RIPOR3: variants seen among roughly 807,000 people sequenced by gnomAD.
RIPOR3 encodes RIPOR family member 3.
Under a neutral mutation model 114.3 loss-of-function variants are expected in RIPOR3, and 95 were observed. The observed-to-expected ratio is 0.83, with a 90% CI of 0.70 to 0.99. The LOEUF (loss-of-function observed/expected upper bound fraction) is 0.99, where lower values mean the gene tolerates loss of function less well. Ranked by LOEUF, RIPOR3 falls within the 50% of genes least tolerant of loss-of-function variation. RIPOR3 has a pLI of 0.00. For missense variants in RIPOR3, 1,252 were observed against 1,266.9 expected (o/e 0.99, Z 0.18); for synonymous variants, 575 against 543.8 (o/e 1.06, Z -0.80).
intron 3 of RIPOR3, among the ~76,000 whole-genome samples, chr20:50,617,824 A>G (rs1369708742): frequency 1.3e-5 from 2 of 150,326 alleles, no homozygotes; most frequent in East Asian, 4.1e-4. Flanking sequence ...GGGTTTCACC[A>G]TGTTGGCCAC....
At chr20:50,599,931 C>T (rs1290767126) in intron 13 of RIPOR3, among the ~76,000 whole-genome samples, 3 of 151,778 alleles carry the variant, frequency 2.0e-5, no homozygotes, top group Non-Finnish European at 2.9e-5. Context: ...GAGAGAGTCT[C>T]GCTCTGTTGC....
chr20:50,636,394 C>T (rs2084987480), intron 1 of RIPOR3, among the ~76,000 whole-genome samples: 1 of 152,182 alleles, frequency 6.6e-6, no homozygotes, highest in Admixed American at 6.5e-5. Flanking sequence ...GGCATTAACC[C>T]TTTAGCTACT....
At chr20:50,601,424 G>C (rs1211219640) in intron 13 of RIPOR3, among the ~76,000 whole-genome samples, 3 of 152,220 alleles carry the variant, frequency 2.0e-5, no homozygotes, top group African/African-American at 7.2e-5. Context: ...CTGGGCAACA[G>C]AGCGAGACTT....
chr20:50,645,781 A>G (rs138187153), intron 1 of RIPOR3: 53 of 152,306 alleles, frequency 3.5e-4, no homozygotes, highest in Middle Eastern at 3.4e-3. Context: ...ACTCCCGCAC[A>G]GCCACGTGAG....
intron 2 of RIPOR3, among the ~76,000 whole-genome samples, chr20:50,627,017 G>GGA (rs1555853562): frequency 5.6e-4 from 69 of 123,060 alleles, no homozygotes; most frequent in Non-Finnish European, 8.6e-4. Flanking sequence ...TCCGTCTCAA[G>GGA]AAAAAAAAAA....
chr20:50,601,162 A>G (rs1233236642), intron 13 of RIPOR3, among the ~76,000 whole-genome samples: 1 of 151,902 alleles, frequency 6.6e-6, no homozygotes, highest in Non-Finnish European at 1.5e-5. Flanking sequence ...GGCCAGGTGC[A>G]GTGGCTCACG....
intron 13 of RIPOR3, among the ~76,000 whole-genome samples, chr20:50,600,671 G>A (rs1443976441): frequency 6.6e-6 from 1 of 152,050 alleles, no homozygotes; most frequent in African/African-American, 2.4e-5. Context: ...GAGGGGGGAG[G>A]ATCGTGTGAT....
chr20:50,597,376 C>T, intron 14 of RIPOR3: 1 of 678,002 alleles, frequency 1.5e-6, no homozygotes, highest in African/African-American at 1.8e-5. Context: ...GTGATCTCAC[C>T]CACTTCGTGG....
At chr20:50,688,532 C>T (rs2087102942) in intron 1 of RIPOR3, among the ~76,000 whole-genome samples, 1 of 152,176 alleles carries the variant, frequency 6.6e-6, no homozygotes, top group African/African-American at 2.4e-5. Flanking sequence ...GTGTGTTTAG[C>T]AACCCGTTCA....
intron 3 of RIPOR3, 48 bp downstream of exon 3, chr20:50,619,938 G>C (rs117180526): frequency 4.8e-5 from 75 of 1,577,832 alleles, no homozygotes; most frequent in Non-Finnish European, 6.2e-5. Context: ...GAGAGGAGGC[G>C]AGGTAGAGGA....
intron 13 of RIPOR3, among the ~76,000 whole-genome samples, chr20:50,599,661 G>C (rs1398804021): frequency 6.6e-6 from 1 of 152,118 alleles, no homozygotes; most frequent in African/African-American, 2.4e-5. Flanking sequence ...TACCATTTGG[G>C]CATTGAAACA....
intron 1 of RIPOR3, among the ~76,000 whole-genome samples, chr20:50,652,590 C>CAAAAAAAAAA (rs11470456): frequency 6.5e-4 from 57 of 87,272 alleles, no homozygotes; most frequent in Non-Finnish European, 7.4e-4. Flanking sequence ...GATTCTGTCT[C>CAAAAAAAAAA]AAAAAAAAAA....
intron 1 of RIPOR3, among the ~76,000 whole-genome samples, chr20:50,665,473 G>A (rs185485808): frequency 7.0e-6 from 1 of 141,914 alleles, no homozygotes; most frequent in East Asian, 2.2e-4. Context: ...CAGGCTGGAG[G>A]GCAGTGGTGT....
At position 50,620,068 on chromosome 20, in the gene RIPOR3, T is replaced by C; in HGVS notation, c.187A>G (p.Thr63Ala). The C allele has an allele frequency of 1.2e-6, 2 of 1,614,216 alleles. No homozygotes were observed. Among genetic ancestry groups the C allele is most frequent in the South Asian group, 2.2e-5 (2 of 91,086 alleles). ...MPAKSSKMYG[T>A]LRKGSVCADP... The stretch of plus-strand genomic sequence containing the variant: ...GCACAGACCGACCCCTTCCGCAGCG[T>C]GCCGTACATCTTGGAGGATTTTGCA... Residue 63 changes from threonine (T) to alanine (A), a missense_variant, in exon 3 of 22, where the codon ACG becomes GCG. Thr to Ala is a moderately conservative substitution (Grantham distance 58, BLOSUM62 0). Transcript: ENST00000327979.
chr20:50,664,865 G>C (rs1037360318), intron 1 of RIPOR3, among the ~76,000 whole-genome samples: 5 of 152,162 alleles, frequency 3.3e-5, no homozygotes, highest in Non-Finnish European at 7.4e-5. Flanking sequence ...ACTTTGGGAG[G>C]CCGGGGCAGG....
At chr20:50,587,996 G>A in intron 20 of RIPOR3, 104 bp from the exon 21 acceptor site, 1 of 1,044,016 alleles carries the variant, frequency 9.6e-7, no homozygotes, top group East Asian at 2.6e-5. Flanking sequence ...GGTCTCTGGG[G>A]CCTCAGCCCC....
At chr20:50,604,192 A>G (rs2083610383) in intron 12 of RIPOR3, among the ~76,000 whole-genome samples, 1 of 152,074 alleles carries the variant, frequency 6.6e-6, no homozygotes, top group South Asian at 2.1e-4. Flanking sequence ...TCTCAAAAAA[A>G]AAAAACAAAG....
chr20:50,598,919 A>AG (rs1456240324), intron 13 of RIPOR3, among the ~76,000 whole-genome samples: 4 of 151,754 alleles, frequency 2.6e-5, no homozygotes, highest in Middle Eastern at 3.4e-3. Flanking sequence ...AAAAAAAAAA[A>AG]AAGGAGGGGG....
Position 50,587,285 on chromosome 20 carries a change from C to G in RIPOR3, c.2800G>C (p.Glu934Gln). ...AFEKMDKLCS[E>Q]QREVFCQEAD... The stretch of plus-strand genomic sequence containing the variant: ...TCCTGGCAAAAGACTTCTCTTTGTT[C>G]TGAGCAGAGCTTGTCCATCTTCTCA... Residue 934 changes from glutamate to glutamine, a missense_variant, in exon 22 of 22, where the codon GAA becomes CAA. Coordinates refer to ENST00000327979, the MANE Select transcript of RIPOR3 (RefSeq NM_001290268.2). 6.2e-7 allele frequency: 1 copy of G among 1,614,234 alleles called. No individual in the cohort carries two copies.
Sources: allele counts gnomAD v4.1 joint callset (sites outside exome capture counted in the v4.1 genomes callset), GRCh38; gene constraint gnomAD v4.1.1; transcripts MANE v1.5; gene names NCBI Gene and HGNC (gene_info 2026-07-23, HGNC 2026-07-21).